AP1S2: variants seen among roughly 807,000 people sequenced by gnomAD.
AP1S2 encodes the protein adaptor related protein complex 1 subunit sigma 2.
AP1S2 carries 1 observed loss-of-function variant against 14.3 expected under a neutral mutation model. The observed-to-expected ratio is 0.07, with a 90% CI of 0.02 to 0.33. The LOEUF is 0.33. Among genes scored for constraint, AP1S2 ranks in the 10% least tolerant of loss-of-function variants. The probability of loss-of-function intolerance (pLI) is 0.99; values close to 1 mark genes in which losing one functional copy is unlikely to be tolerated. For synonymous variants in AP1S2, 30 were observed against 40.5 expected (o/e 0.74, Z 0.99); for missense variants, 30 against 117.7 (o/e 0.25, Z 3.45).
rs1278873472 is a variant in AP1S2, at chrX:15,830,457, A to G, written c.427-2257T>C. The G allele has an allele frequency of 4.0e-6, 3 of 750,259 alleles. No homozygotes were observed. The East Asian group carries it at 4.5e-4, about 113-fold the overall frequency. The allele number at this position is 750,259 out of a possible 1,213,427, so 61.8% of individuals were successfully genotyped here. A position where few individuals can be genotyped will look rare whatever the true frequency, so the allele number is the denominator to read the frequency against. ...CTAAGTTTGGTCAAAACACATTTTC[A>G]TAGATCTTCTTTCAGTGATAAATCG... On this transcript the variant is annotated intron_variant, in intron 4 of 5. Transcript: ENST00000672987.
intron 2 of AP1S2, among the ~76,000 whole-genome samples, chrX:15,848,820 A>C (rs1934077810): frequency 1.8e-5 from 2 of 112,350 alleles, no homozygotes; most frequent in Admixed American, 1.9e-4. Context: ...CTCCGCAGTC[A>C]GCTAAATATC....
At chrX:15,842,246 A>G (rs1055604916) in intron 4 of AP1S2, among the ~76,000 whole-genome samples, 2 of 112,417 alleles carry the variant, frequency 1.8e-5, no homozygotes, top group African/African-American at 6.5e-5. Flanking sequence ...ACAGATGTAA[A>G]CTTGTATCAT....
chrX:15,832,969 C>A, intron 4 of AP1S2: 1 of 1,125,071 alleles, frequency 8.9e-7, no homozygotes, highest in Non-Finnish European at 1.2e-6. Context: ...CTTTCTTAAA[C>A]CCAATGAAAC....
intron 2 of AP1S2, among the ~76,000 whole-genome samples, chrX:15,851,661 A>G (rs894733115): frequency 8.9e-6 from 1 of 112,403 alleles, no homozygotes; most frequent in South Asian, 3.6e-4. Context: ...TAAAATAAAG[A>G]CGTATAGCAT....
chrX:15,828,238 TTA>T lies in AP1S2; in HGVS notation c.427-40_427-39del, dbSNP rs1933322473. On this transcript the variant is annotated intron_variant, in intron 4 of 5. Coordinates refer to ENST00000672987, the MANE Select transcript of AP1S2 (RefSeq NM_001272071.2). ...CAGCACAAAGCAAGGAGAAGAGAAATTATATTAAACCATAAATCTTTAGAATA... is the reference window on the plus strand; with the variant it reads ...CAGCACAAAGCAAGGAGAAGAGAAATTATTAAACCATAAATCTTTAGAATA... 2.8e-6 allele frequency: 3 copies of T among 1,068,005 alleles called. No homozygotes were observed. The African/African-American group carries it at 5.6e-5, about 20-fold the overall frequency. The allele number at this position is 1,068,005 out of a possible 1,213,427, so 88.0% of individuals were successfully genotyped here.
intron 4 of AP1S2, among the ~76,000 whole-genome samples, chrX:15,840,154 A>T (rs7892479): frequency 0.015 from 1,688 of 112,359 alleles, 27 homozygotes; most frequent in African/African-American, 0.049. Flanking sequence ...AAGTAAAAGC[A>T]AATTCATGAG....
chrX:15,834,648 G>T (rs1455416707), intron 4 of AP1S2, among the ~76,000 whole-genome samples: 9 of 84,254 alleles, frequency 1.1e-4, no homozygotes, highest in East Asian at 7.7e-4. Context: ...GCTAATTTTT[G>T]TATTTTTTTT....
chrX:15,832,409 TA>T, intron 4 of AP1S2: 1 of 724,455 alleles, frequency 1.4e-6, no homozygotes. Context: ...GAAAAATATC[TA>T]ACAAATCCCT....
intron 3 of AP1S2, 26 bp downstream of exon 3, chrX:15,845,877 A>G: frequency 8.9e-7 from 1 of 1,128,221 alleles, no homozygotes; most frequent in Non-Finnish European, 1.2e-6. Context: ...ATGGCATTCA[A>G]TTTCCTAAAA....
chrX:15,847,304 G>C (rs1234093857), intron 2 of AP1S2, among the ~76,000 whole-genome samples: 1 of 91,014 alleles, frequency 1.1e-5, no homozygotes, highest in African/African-American at 4.2e-5. Context: ...TTTCATCCTT[G>C]ATCACAGATT....
At chrX:15,839,745 C>T (rs1296262795) in intron 4 of AP1S2, among the ~76,000 whole-genome samples, 1 of 110,022 alleles carries the variant, frequency 9.1e-6, no homozygotes, top group East Asian at 2.8e-4. Context: ...GCCCCGGCCT[C>T]CCAAAGTGCT....
At chrX:15,833,034 G>GTC in intron 4 of AP1S2, 12 of 1,097,383 alleles carry the variant, frequency 1.1e-5, no homozygotes, top group Non-Finnish European at 1.4e-5. Flanking sequence ...AAAAGTTTAA[G>GTC]TCTGTCAAAT....
Position 15,827,311 on chromosome X carries a change from A to G in AP1S2, c.*14T>C, listed in dbSNP as rs930892856. 5.8e-6 allele frequency: 7 copies of G among 1,198,496 alleles called. No individual in the cohort carries two copies. Among genetic ancestry groups the G allele is most frequent in the Non-Finnish European group, 7.9e-6 (7 of 884,554 alleles). On this transcript the variant is annotated 3_prime_UTR_variant, in exon 6 of 6. Coordinates refer to ENST00000672987, the MANE Select transcript of AP1S2 (RefSeq NM_001272071.2). ...TGTGAAATGCCACAAGAAGTCATCA[A>G]CAAGGGAGGAGAGTTATGTCAGTCC...
chrX:15,846,169 G>C (rs1933994511), intron 2 of AP1S2, among the ~76,000 whole-genome samples, 158 bp from the exon 3 acceptor site: 1 of 111,576 alleles, frequency 9.0e-6, no homozygotes, highest in Non-Finnish European at 1.9e-5. Context: ...AGTAATAAAC[G>C]CATAACAGAA....
intron 4 of AP1S2, among the ~76,000 whole-genome samples, chrX:15,839,926 A>C (rs1188539868): frequency 8.9e-6 from 1 of 112,071 alleles, no homozygotes; most frequent in African/African-American, 3.2e-5. Flanking sequence ...AAAAGAAATC[A>C]CTTTTCTCCT....
chrX:15,835,502 T>C (rs188307562), intron 4 of AP1S2, among the ~76,000 whole-genome samples: 82 of 111,936 alleles, frequency 7.3e-4, no homozygotes, highest in African/African-American at 2.5e-3. Flanking sequence ...AACAGAAGAA[T>C]TGAAAGCACT....
At chrX:15,847,705 C>T (rs1934042378) in intron 2 of AP1S2, among the ~76,000 whole-genome samples, 1 of 111,764 alleles carries the variant, frequency 8.9e-6, no homozygotes, top group Admixed American at 9.5e-5. Flanking sequence ...CTCCATCCTC[C>T]CTAACCCATG....
intron 4 of AP1S2, chrX:15,830,871 ATTGT>A: frequency 1.4e-6 from 1 of 725,441 alleles, no homozygotes; most frequent in Middle Eastern, 7.9e-4. Context: ...TCTTAAAGGG[ATTGT>A]TTGATATTAT....
intron 4 of AP1S2, among the ~76,000 whole-genome samples, chrX:15,838,649 T>G (rs1027337356): frequency 2.7e-5 from 3 of 110,423 alleles, no homozygotes; most frequent in African/African-American, 9.9e-5. Context: ...CCTCAAAATT[T>G]TGAAAAGTAT....
Sources: gnomAD v4.1 joint callset for allele counts (sites outside exome capture counted in the v4.1 genomes callset) on GRCh38, gnomAD v4.1.1 for gene constraint, MANE v1.5 for transcripts, NCBI Gene and HGNC (gene_info 2026-07-23, HGNC 2026-07-21) for gene names.